Variants in ZNF804A observed in about 807,000 individuals in gnomAD.
ZNF804A encodes the protein zinc finger protein 804A.
Under a neutral mutation model 16.5 loss-of-function variants are expected in ZNF804A, and 2 were observed. The ratio of observed to expected loss-of-function variants is 0.12; its 90% CI spans 0.05 to 0.38. The LOEUF (loss-of-function observed/expected upper bound fraction) is 0.38, where lower values mean the gene tolerates loss of function less well. Among genes scored for constraint, ZNF804A ranks in the 10% least tolerant of loss-of-function variants. ZNF804A has a pLI of 0.99. For synonymous variants in ZNF804A, 534 were observed against 489.6 expected (o/e 1.09, Z -1.20); for missense variants, 1,473 against 1,390.7 (o/e 1.06, Z -0.94).
chr2:184,723,225 A>C (rs1231466110), intron 1 of ZNF804A, among the ~76,000 whole-genome samples: 1 of 151,824 alleles, frequency 6.6e-6, no homozygotes, highest in Non-Finnish European at 1.5e-5. Flanking sequence ...TGATATATTC[A>C]AGTAGAGAAA....
At chr2:184,851,419 G>A (rs764516992) in intron 1 of ZNF804A, among the ~76,000 whole-genome samples, 7 of 151,960 alleles carry the variant, frequency 4.6e-5, no homozygotes, top group East Asian at 1.9e-4. Flanking sequence ...CCACGTATAC[G>A]TGACATAATG....
At chr2:184,815,177 GAAATCC>G in intron 1 of ZNF804A, among the ~76,000 whole-genome samples, 1 of 151,954 alleles carries the variant, frequency 6.6e-6, no homozygotes, top group East Asian at 1.9e-4. Context: ...AAGAAGTTCA[GAAATCC>G]ACATTATCCA....
chr2:184,911,028 A>C (rs1685347610), intron 2 of ZNF804A, among the ~76,000 whole-genome samples: 1 of 151,858 alleles, frequency 6.6e-6, no homozygotes, highest in South Asian at 2.1e-4. Context: ...ATTTTTGAGG[A>C]CTTAGTCATA....
At chr2:184,737,482 A>G (rs1693644688) in intron 1 of ZNF804A, among the ~76,000 whole-genome samples, 1 of 152,226 alleles carries the variant, frequency 6.6e-6, no homozygotes, top group Admixed American at 6.5e-5. Flanking sequence ...TTAATGATTT[A>G]CAATGATAGT....
chr2:184,649,046 CAAT>C (rs2105699100), intron 1 of ZNF804A, among the ~76,000 whole-genome samples: 1 of 151,854 alleles, frequency 6.6e-6, no homozygotes, highest in South Asian at 2.1e-4. Flanking sequence ...AAGCAAGTCT[CAAT>C]AAGTTAAAAA....
chr2:184,910,833 G>T (rs938897879), intron 2 of ZNF804A, among the ~76,000 whole-genome samples: 3 of 151,580 alleles, frequency 2.0e-5, no homozygotes, highest in African/African-American at 7.3e-5. Context: ...TTTGCTTTTT[G>T]CTTGTTCAGG....
chr2:184,623,779 A>G (rs1220204963), intron 1 of ZNF804A, among the ~76,000 whole-genome samples: 1 of 152,138 alleles, frequency 6.6e-6, no homozygotes, highest in Non-Finnish European at 1.5e-5. Context: ...ACGCACATAC[A>G]CAACTTCCCC....
intron 1 of ZNF804A, among the ~76,000 whole-genome samples, chr2:184,807,638 G>A (rs1694828913): frequency 6.6e-6 from 1 of 151,760 alleles, no homozygotes; most frequent in Non-Finnish European, 1.5e-5. Context: ...ATTTGACCTT[G>A]AATAATATAA....
At chr2:184,799,763 C>G (rs963359751) in intron 1 of ZNF804A, among the ~76,000 whole-genome samples, 1 of 152,026 alleles carries the variant, frequency 6.6e-6, no homozygotes, top group Non-Finnish European at 1.5e-5. Context: ...AGGCTGGTCT[C>G]GAACTCCTGA....
At chr2:184,839,948 G>A (rs1306034014) in intron 1 of ZNF804A, among the ~76,000 whole-genome samples, 2 of 152,122 alleles carry the variant, frequency 1.3e-5, no homozygotes, top group African/African-American at 4.8e-5. Context: ...AACTTGGATT[G>A]AGGTGTCCAT....
intron 1 of ZNF804A, among the ~76,000 whole-genome samples, chr2:184,603,826 T>G (rs532486630): frequency 6.6e-6 from 1 of 152,312 alleles, no homozygotes; most frequent in South Asian, 2.1e-4. Flanking sequence ...AAGACCATCT[T>G]GTGTTTCAAT....
At chr2:184,742,205 T>G (rs1693718907) in intron 1 of ZNF804A, among the ~76,000 whole-genome samples, 1 of 152,040 alleles carries the variant, frequency 6.6e-6, no homozygotes, top group Non-Finnish European at 1.5e-5. Flanking sequence ...AGTATTTTTG[T>G]GCATTCATTT....
chr2:184,741,157 A>G (rs978237950), intron 1 of ZNF804A, among the ~76,000 whole-genome samples: 2 of 152,170 alleles, frequency 1.3e-5, no homozygotes, highest in Non-Finnish European at 2.9e-5. Flanking sequence ...TCAGTTCTTC[A>G]CTAGAATTCA....
intron 1 of ZNF804A, among the ~76,000 whole-genome samples, chr2:184,829,691 C>T (rs1197850972): frequency 1.3e-5 from 2 of 151,572 alleles, no homozygotes; most frequent in African/African-American, 4.8e-5. Flanking sequence ...ATAGATTATT[C>T]TCTTAATCTT....
intron 1 of ZNF804A, among the ~76,000 whole-genome samples, chr2:184,615,639 C>T (rs1691307085): frequency 6.6e-6 from 1 of 152,082 alleles, no homozygotes; most frequent in African/African-American, 2.4e-5. Flanking sequence ...ATCCTATCTA[C>T]AGGTGATGTA....
chr2:184,755,906 G>A (rs1021224671), intron 1 of ZNF804A, among the ~76,000 whole-genome samples: 2 of 151,816 alleles, frequency 1.3e-5, no homozygotes, highest in Non-Finnish European at 2.9e-5. Flanking sequence ...TGAAATACAC[G>A]CTGTTTATTT....
At chr2:184,900,961 G>A (rs1685171252) in intron 2 of ZNF804A, among the ~76,000 whole-genome samples, 1 of 152,106 alleles carries the variant, frequency 6.6e-6, no homozygotes, top group Admixed American at 6.6e-5. Flanking sequence ...AGTCGTAACT[G>A]GCCAAAGGAT....
chr2:184,828,297 T>G (rs1382384816), intron 1 of ZNF804A, among the ~76,000 whole-genome samples: 2 of 151,850 alleles, frequency 1.3e-5, no homozygotes, highest in Non-Finnish European at 2.9e-5. Context: ...ACAAATAGTT[T>G]TATTTTGTTA....
intron 1 of ZNF804A, among the ~76,000 whole-genome samples, chr2:184,620,641 G>T (rs372916615): frequency 6.6e-5 from 10 of 151,722 alleles, no homozygotes; most frequent in African/African-American, 2.4e-4. Flanking sequence ...GCTTGAGCCT[G>T]TTGAAAGTCA....
Sources: allele counts gnomAD v4.1 joint callset (sites outside exome capture counted in the v4.1 genomes callset), GRCh38; gene constraint gnomAD v4.1.1; transcripts MANE v1.5; gene names NCBI Gene and HGNC (gene_info 2026-07-23, HGNC 2026-07-21).